MYBPC3: variants seen among roughly 807,000 people sequenced by gnomAD.
MYBPC3 encodes the protein myosin binding protein C3.
A neutral mutation model predicts 159.3 loss-of-function variants in MYBPC3; 108 were observed. The ratio of observed to expected loss-of-function variants is 0.68; its 90% CI spans 0.58 to 0.80. MYBPC3 has a LOEUF of 0.80. Among genes scored for constraint, MYBPC3 ranks in the 30% least tolerant of loss-of-function variants. MYBPC3 has a pLI of 0.00. For synonymous variants in MYBPC3, 730 were observed against 702.0 expected (o/e 1.04, Z -0.63); for missense variants, 1,631 against 1,762.1 (o/e 0.93, Z 1.33).
At chr11:47,342,999 C>T in intron 15 of MYBPC3, 22 bp downstream of exon 15, 1 of 1,612,946 alleles carries the variant, frequency 6.2e-7, no homozygotes, top group Non-Finnish European at 8.5e-7. Context: ...CAGGTTCCCA[C>T]ATCCTCAGGT....
intron 5 of MYBPC3, 77 bp from the exon 6 acceptor site, chr11:47,348,618 G>A (rs2095897007): frequency 8.6e-7 from 1 of 1,163,446 alleles, no homozygotes; most frequent in Non-Finnish European, 1.2e-6. Flanking sequence ...AAAGGAGACT[G>A]GGAGTGGCCG....
rs1352674777 is a variant in MYBPC3 at position 47,338,757 on chromosome 11, C to T, written c.2149-78G>A. 8.8e-6 allele frequency: 13 copies of T among 1,470,456 alleles called. No homozygotes were observed. In the Admixed American group the frequency reaches 1.8e-4, roughly 20 times the overall value. The allele number at this position is 1,470,456 out of a possible 1,614,324, so 91.1% of individuals were successfully genotyped here. On this transcript the variant is annotated intron_variant, in intron 22 of 34. Transcript: ENST00000545968. This position sits in a 1 kb window ranked among gnomAD's most constrained non-coding sequence, Gnocchi z 4.7. ...GCAGCCTCCGCCAACAGCCAGATGTCCCGGGGGTCCATGGGGGGAACACAG... is the reference window on the plus strand; with the variant it reads ...GCAGCCTCCGCCAACAGCCAGATGTTCCGGGGGTCCATGGGGGGAACACAG...
rs778623429 is a variant in MYBPC3 at position 47,341,212 on chromosome 11, G to C, written c.1823C>G (p.Pro608Arg). Residue 608 changes from proline (P) to arginine (R), a missense_variant, in exon 19 of 35, where the codon CCT (proline) becomes CGT (arginine). Pro to Arg is a moderately radical substitution (Grantham distance 103). Coordinates refer to ENST00000545968, the MANE Select transcript of MYBPC3 (RefSeq NM_000256.3). ...VHKLTIDDVT[P>R]ADEADYSFVP... ...AAAGCTGTAGTCAGCCTCGTCGGCA[G>C]GTGTGACGTCGTCAATGGTCAGTTT... The C allele has an allele frequency of 1.9e-6, 3 of 1,597,938 alleles. No homozygotes were observed. Among genetic ancestry groups the C allele is most frequent in the Non-Finnish European group, 2.6e-6 (3 of 1,172,502 alleles).
At chr11:47,337,635 T>A in intron 24 of MYBPC3, 55 bp downstream of exon 24, 2 of 1,610,830 alleles carry the variant, frequency 1.2e-6, no homozygotes, top group South Asian at 2.2e-5. Context: ...CCACACCACC[T>A]TCCCTCGGAT....
intron 20 of MYBPC3, among the ~76,000 whole-genome samples, chr11:47,340,182 CACAG>C (rs201646138): frequency 0.013 from 2,039 of 151,922 alleles, 55 homozygotes; most frequent in African/African-American, 0.045. Flanking sequence ...CACATGCACA[CACAG>C]ACACACACAT....
intron 3 of MYBPC3, among the ~76,000 whole-genome samples, 161 bp from the exon 4 acceptor site, chr11:47,350,273 C>T (rs1191704241): frequency 7.9e-5 from 11 of 139,552 alleles, no homozygotes; most frequent in South Asian, 5.1e-4. Context: ...CGCAGGTGCC[C>T]GCCACCACGC....
At position 47,331,728 on chromosome 11, in the gene MYBPC3, G is replaced by C. The variant is rs923668875; in HGVS notation, c.*27-12C>G. 1 of 1,116,252 alleles carries C rather than the reference G, an allele frequency of 9.0e-7. No homozygotes were observed. The highest frequency in any genetic ancestry group is 2.6e-5 in the Admixed American group (1 of 38,980). The allele number at this position is 1,116,252 out of a possible 1,614,324, so 69.1% of individuals were successfully genotyped here. A position where few individuals can be genotyped will look rare whatever the true frequency, so the allele number is the denominator to read the frequency against. ...GCATCCGGTTGTACCTGCAACACAGGTTATCTTACGAGTGAATGGAGGGCC... is the reference window on the plus strand; with the variant it reads ...GCATCCGGTTGTACCTGCAACACAGCTTATCTTACGAGTGAATGGAGGGCC... On this transcript the variant is annotated splice_polypyrimidine_tract_variant and intron_variant, in intron 34 of 34. Transcript: ENST00000545968.
chr11:47,336,049 C>G (rs375016352), intron 25 of MYBPC3, 38 bp from the exon 26 acceptor site: 5 of 1,400,822 alleles, frequency 3.6e-6, no homozygotes, highest in Admixed American at 5.7e-5. Flanking sequence ...TCTGAGCAAG[C>G]CTGGGGAAGC....
chr11:47,339,079 G>A (rs2095885608), intron 22 of MYBPC3, among the ~76,000 whole-genome samples: 2 of 152,032 alleles, frequency 1.3e-5, no homozygotes, highest in Admixed American at 1.3e-4. Flanking sequence ...GGGAGCCAGG[G>A]AGCAGCCCAG....
At chr11:47,349,282 C>G (rs1014712992) in intron 5 of MYBPC3, among the ~76,000 whole-genome samples, 1 of 152,108 alleles carries the variant, frequency 6.6e-6, no homozygotes, top group South Asian at 2.1e-4. Flanking sequence ...AGGCCTATGT[C>G]TAAGTGACCT....
intron 25 of MYBPC3, chr11:47,336,254 G>A (rs1011027832): frequency 6.4e-5 from 19 of 296,968 alleles, no homozygotes; most frequent in African/African-American, 8.7e-5. Context: ...TTGGGAGGCC[G>A]AGGTGGGAGG....
chr11:47,340,710 T>C (rs1398958358), intron 20 of MYBPC3, among the ~76,000 whole-genome samples: 1 of 152,018 alleles, frequency 6.6e-6, no homozygotes, highest in Non-Finnish European at 1.5e-5. Flanking sequence ...AGAAAAGATG[T>C]AATAATAACA....
intron 5 of MYBPC3, among the ~76,000 whole-genome samples, chr11:47,348,927 T>TATATATATATATATATATA (rs1555123220): frequency 6.7e-4 from 84 of 126,238 alleles, no homozygotes; most frequent in Non-Finnish European, 7.5e-4. Flanking sequence ...TATATATATA[T>TATATATATATATATATATA]TTAAAGGAGG....
At position 47,333,638 on chromosome 11, in the gene MYBPC3, G is replaced by C. The variant is rs758421775; in HGVS notation, c.3109C>G (p.Arg1037Gly). The change falls in exon 29 of 35, where the codon CGC (arginine) becomes GGC (glycine). Residue 1037 changes from arginine to glycine, a missense_variant. Transcript: ENST00000545968. ...ACCTGGTAAGTGCCTGAATGCACGC[G>C]GCGAGCGGCCCGGATGAACAGGATG... ...DTILFIRAARRVHSGTYQVTV... is the reference protein window; with the variant it reads ...DTILFIRAARGVHSGTYQVTV... The C allele has an allele frequency of 6.2e-7, 1 of 1,608,328 alleles. No homozygotes were observed. Among genetic ancestry groups the C allele is most frequent in the South Asian group, 1.1e-5 (1 of 91,092 alleles).
At chr11:47,347,209 G>A in intron 9 of MYBPC3, 180 bp from the exon 10 acceptor site, 3 of 985,352 alleles carry the variant, frequency 3.0e-6, no homozygotes, top group Non-Finnish European at 3.6e-6. Flanking sequence ...AGTGTGGAGT[G>A]GCCGTGGGGG....
chr11:47,339,390 T>C lies in MYBPC3; in HGVS notation c.2082A>G (p.Pro694=), dbSNP rs756589409. 7.4e-6 allele frequency: 12 copies of C among 1,613,912 alleles called. No homozygotes were observed. Among genetic ancestry groups the C allele is most frequent in the Non-Finnish European group, 1.0e-5 (12 of 1,179,880 alleles). The change falls in exon 22 of 35, where the codon CCA becomes CCG. Residue 694 remains proline (P), a synonymous_variant. Coordinates refer to ENST00000545968, the MANE Select transcript of MYBPC3 (RefSeq NM_000256.3). ...CTGGGGCATCTGGGGCTGGCCTGGCTGGGGCCTTATTCCCCTGGGAACAGG... is the reference window on the plus strand; with the variant it reads ...CTGGGGCATCTGGGGCTGGCCTGGCCGGGGCCTTATTCCCCTGGGAACAGG... ...QKAITQGNKA[P]ARPAPDAPED... is the part of the protein sequence containing the mutation.
chr11:47,346,685 A>T lies in MYBPC3; in HGVS notation c.909-41T>A. ...GGGTGGGAGAAAGGGTAGGTGGCAC[A>T]TGAGAGGTATGGCCACCTTCCCTCA... On this transcript the variant is annotated intron_variant, in intron 10 of 34. Coordinates refer to ENST00000545968, the MANE Select transcript of MYBPC3 (RefSeq NM_000256.3). This position sits in a 1 kb window ranked among gnomAD's most constrained non-coding sequence, Gnocchi z 5.3. The T allele has an allele frequency of 1.9e-6, 3 of 1,583,612 alleles. No individual in the cohort carries two copies. The highest frequency in any genetic ancestry group is 2.6e-6 in the Non-Finnish European group (3 of 1,164,134).
chr11:47,344,077 T>C (rs2095891993), intron 12 of MYBPC3, among the ~76,000 whole-genome samples: 2 of 152,124 alleles, frequency 1.3e-5, no homozygotes, highest in Admixed American at 1.3e-4. Flanking sequence ...GCATGGTGTC[T>C]TCATTTCTTT....
intron 27 of MYBPC3, 110 bp downstream of exon 27, chr11:47,334,932 G>T (rs529824488): frequency 2.4e-6 from 3 of 1,247,152 alleles, no homozygotes; most frequent in African/African-American, 3.1e-5. Context: ...TCTCTGCCCA[G>T]CGTTCTGGGC....
Sources: allele counts gnomAD v4.1 joint callset (sites outside exome capture counted in the v4.1 genomes callset), GRCh38; gene constraint gnomAD v4.1.1; non-coding constraint Gnocchi (gnomAD v3.1); transcripts MANE v1.5; gene names NCBI Gene and HGNC (gene_info 2026-07-23, HGNC 2026-07-21).